The following ARHGEF7 variants were observed in gnomAD, a reference collection of about 807,000 sequenced individuals.
The protein encoded by ARHGEF7 is Rho guanine nucleotide exchange factor 7.
ARHGEF7 carries 33 observed loss-of-function variants against 109.8 expected under a neutral mutation model. The observed-to-expected ratio is 0.30, with a 90% CI of 0.23 to 0.40. ARHGEF7 has a LOEUF of 0.40. Among genes scored for constraint, ARHGEF7 ranks in the 10% least tolerant of loss-of-function variants. The pLI, the probability that ARHGEF7 is intolerant of heterozygous loss-of-function variation, is 1.00. For missense variants in ARHGEF7, 938 were observed against 1,098.5 expected, an observed-to-expected ratio of 0.85 and a Z score of 2.07; for synonymous variants, 458 against 424.6, an observed-to-expected ratio of 1.08 and a Z score of -0.97.
rs1476329171 is a variant in ARHGEF7, at chr13:111,272,918, C to T, written c.1074-896C>T. Among the ~76,000 whole-genome samples the T allele has an allele frequency of 1.3e-5, 2 of 152,148 alleles. No individual in the cohort carries two copies. Among genetic ancestry groups the T allele is most frequent in the East Asian group, 1.9e-4 (1 of 5,180 alleles). Reference sequence around the variant, plus strand: ...GCTGGACCCCCCACAGAAGCCTGCCCGTGTCCTCTGCCACAGCCATGGGAA... The same window carrying T: ...GCTGGACCCCCCACAGAAGCCTGCCTGTGTCCTCTGCCACAGCCATGGGAA... On this transcript the variant is annotated intron_variant, in intron 9 of 21. Transcript: ENST00000646102. The surrounding 1 kb of genome is among the most constrained non-coding windows in gnomAD (Gnocchi z 5.2).
chr13:111,115,648 T>C lies in ARHGEF7; in HGVS notation c.122T>C (p.Leu41Pro), dbSNP rs1182363157. ...GCGTCGCTGAAGGATGGGGTGGTCC[T>C]CTGCAGGCTGCTGGAGCGCCTGCTC... ...LQASLKDGVVLCRLLERLLPG... is the reference protein window; with the variant it reads ...LQASLKDGVVPCRLLERLLPG... Residue 41 changes from leucine (L) to proline (P), a missense_variant, in exon 1 of 22, where the codon CTC becomes CCC. This residue lies in a region of ARHGEF7 where 165 missense variants were observed against 125.8 expected (regional missense o/e 1.31). Coordinates refer to ENST00000646102, the MANE Select transcript of ARHGEF7 (RefSeq NM_001354046.2). 1 of 1,358,588 alleles carries C rather than the reference T, an allele frequency of 7.4e-7. No homozygotes were observed. 84.2% of individuals were successfully genotyped at this position (1,358,588 alleles called of 1,614,324 possible). A position where few individuals can be genotyped will look rare whatever the true frequency, so the allele number is the denominator to read the frequency against.
Position 111,280,339 on chromosome 13 carries a change from T to A in ARHGEF7, c.1574T>A (p.Phe525Tyr). ...LEDSENHRNA[F>Y]EISGSMIERI... ...GACAGTGAAAATCATAGAAATGCAT[T>A]TGAAATATCAGGTGATAGGCACAAG... The change falls in exon 14 of 22, where the codon TTT becomes TAT. Residue 525 changes from phenylalanine (F) to tyrosine (Y), a missense_variant. Transcript: ENST00000646102. The A allele has an allele frequency of 6.2e-7, 1 of 1,613,684 alleles. No individual in the cohort carries two copies. Among genetic ancestry groups the A allele is most frequent in the Non-Finnish European group, 8.5e-7 (1 of 1,179,812 alleles).
intron 2 of ARHGEF7, chr13:111,187,085 C>T (rs974615311): frequency 2.2e-6 from 2 of 891,110 alleles, no homozygotes; most frequent in Non-Finnish European, 2.7e-6. Flanking sequence ...TAGAGCTGGT[C>T]AGTGTGTCCT....
At position 111,272,132 on chromosome 13, in the gene ARHGEF7, G is replaced by A. The variant is rs999356813; in HGVS notation, c.1074-1682G>A. ...GGTGTTTGAATCGGTTTCATTGGAG[G>A]ACATTCTCCCTGGCTGCCCTGGCAG... On this transcript the variant is annotated intron_variant, in intron 9 of 21. Coordinates refer to ENST00000646102, the MANE Select transcript of ARHGEF7 (RefSeq NM_001354046.2). The surrounding 1 kb of genome is among the most constrained non-coding windows in gnomAD (Gnocchi z 5.2). 1.3e-5 allele frequency among the ~76,000 whole-genome samples: 2 copies of A among 152,216 alleles called. No individual in the cohort carries two copies. Among genetic ancestry groups the A allele is most frequent in the African/African-American group, 4.8e-5 (2 of 41,462 alleles).
chr13:111,140,420 G>C (rs2075293744), intron 1 of ARHGEF7, among the ~76,000 whole-genome samples: 1 of 152,226 alleles, frequency 6.6e-6, no homozygotes, highest in African/African-American at 2.4e-5. Flanking sequence ...GTGTTACTGA[G>C]AAGTGACATG....
intron 1 of ARHGEF7, among the ~76,000 whole-genome samples, chr13:111,146,240 T>C (rs1687869874): frequency 6.6e-6 from 1 of 152,074 alleles, no homozygotes; most frequent in Non-Finnish European, 1.5e-5. Context: ...ACTTCTAGAG[T>C]CAGTCTATAT....
At chr13:111,282,353 A>C (rs1477984160) in intron 15 of ARHGEF7, among the ~76,000 whole-genome samples, 1 of 152,204 alleles carries the variant, frequency 6.6e-6, no homozygotes, top group Non-Finnish European at 1.5e-5. Flanking sequence ...TTTGAGAATG[A>C]CTTATTTAAC....
At chr13:111,302,232 G>GCAGCTTTGGTCCTCTGCC (rs1370921254) in intron 21 of ARHGEF7, among the ~76,000 whole-genome samples, 1 of 152,206 alleles carries the variant, frequency 6.6e-6, no homozygotes, top group African/African-American at 2.4e-5. Context: ...GTGAGTATGA[G>GCAGCTTTGGTCCTCTGCC]CAGCTTTGGT....
chr13:111,135,457 G>A (rs2075040058), intron 1 of ARHGEF7, among the ~76,000 whole-genome samples: 1 of 152,194 alleles, frequency 6.6e-6, no homozygotes, highest in South Asian at 2.1e-4. Context: ...CCATTTGTTT[G>A]TGTCCTCTTT....
At chr13:111,190,360 C>T (rs2079738149) in intron 2 of ARHGEF7, among the ~76,000 whole-genome samples, 1 of 152,064 alleles carries the variant, frequency 6.6e-6, no homozygotes. Context: ...CACCGGGCAG[C>T]ATCTCGTACT....
At position 111,201,962 on chromosome 13, in the gene ARHGEF7, A is replaced by G. The variant is rs141483191; in HGVS notation, c.253-3327A>G. On this transcript the variant is annotated intron_variant, in intron 2 of 21. Coordinates refer to ENST00000646102, the MANE Select transcript of ARHGEF7 (RefSeq NM_001354046.2). The stretch of plus-strand genomic sequence containing the variant: ...GATTTGGTATTGTATTTGATTATGT[A>G]GTTTCTATTGAGAGCAAAATACCAA... 9.1e-4 allele frequency among the ~76,000 whole-genome samples: 139 copies of G among 152,260 alleles called. 2 individuals carry two copies. In the East Asian group the frequency reaches 0.022, roughly 24 times the overall value.
At chr13:111,132,160 G>A (rs1196645642) in intron 1 of ARHGEF7, among the ~76,000 whole-genome samples, 4 of 152,188 alleles carry the variant, frequency 2.6e-5, no homozygotes, top group African/African-American at 9.7e-5. Context: ...CCTTTCAACC[G>A]CTTTAGGGGA....
intron 2 of ARHGEF7, among the ~76,000 whole-genome samples, chr13:111,181,400 G>C (rs938366254): frequency 6.6e-6 from 1 of 152,204 alleles, no homozygotes; most frequent in African/African-American, 2.4e-5. Flanking sequence ...CTGGCCCCTG[G>C]AAGAGGTGGA....
intron 1 of ARHGEF7, among the ~76,000 whole-genome samples, chr13:111,120,549 G>C (rs943033582): frequency 6.6e-6 from 1 of 152,206 alleles, no homozygotes; most frequent in Non-Finnish European, 1.5e-5. Context: ...GGGGTTGAGG[G>C]AGTGGGGGAA....
intron 9 of ARHGEF7, among the ~76,000 whole-genome samples, chr13:111,268,025 G>A (rs1044378738): frequency 6.6e-6 from 1 of 152,214 alleles, no homozygotes; most frequent in African/African-American, 2.4e-5. Flanking sequence ...TACATCAGCT[G>A]TAACAGAAAG....
chr13:111,223,858 ATTT>A (rs35652076), intron 5 of ARHGEF7, among the ~76,000 whole-genome samples: 15 of 139,052 alleles, frequency 1.1e-4, no homozygotes, highest in Non-Finnish European at 1.4e-4. Context: ...TTTCTATAGC[ATTT>A]TTTTTTTTTT....
chr13:111,184,102 G>A (rs922053193), intron 2 of ARHGEF7, among the ~76,000 whole-genome samples: 4 of 152,248 alleles, frequency 2.6e-5, no homozygotes, highest in South Asian at 2.1e-4. Context: ...TGGTTTCCCC[G>A]CCGTTCTCAT....
chr13:111,279,753 A>G (rs999390167), intron 13 of ARHGEF7, among the ~76,000 whole-genome samples: 3 of 152,204 alleles, frequency 2.0e-5, no homozygotes, highest in Admixed American at 6.5e-5. Flanking sequence ...CATTTTGTGC[A>G]TTGTGTGCAG....
upstream of ARHGEF7, chr13:111,114,803 C>T (rs1301520256): frequency 6.6e-6 from 1 of 152,244 alleles, no homozygotes; most frequent in East Asian, 1.9e-4. Flanking sequence ...AGAGTCGGTT[C>T]CTCCCGATTC....
Sources: gnomAD v4.1 joint callset for allele counts (sites outside exome capture counted in the v4.1 genomes callset) on GRCh38, gnomAD v4.1.1 for gene constraint, gnomAD v4.1.1 regional missense constraint, Gnocchi (gnomAD v3.1) non-coding constraint, MANE v1.5 for transcripts, NCBI Gene and HGNC (gene_info 2026-07-23, HGNC 2026-07-21) for gene names.